The following NOX4 variants were observed in gnomAD, a reference collection of about 807,000 sequenced individuals.
NOX4 encodes kidney oxidase-1.
NOX4 carries 69 observed loss-of-function variants against 87.6 expected under a neutral mutation model. That is an observed-to-expected ratio of 0.79 (90% CI 0.65 to 0.96). The LOEUF is 0.96. NOX4 is among the 40% of genes least tolerant of loss of function. NOX4 has a pLI of 0.00. For missense variants in NOX4, 680 were observed against 681.5 expected (o/e 1.00, Z 0.02); for synonymous variants, 275 against 238.2 (o/e 1.15, Z -1.42).
At chr11:89,486,285 A>T (rs1383027128) in intron 2 of NOX4, among the ~76,000 whole-genome samples, 2 of 148,274 alleles carry the variant, frequency 1.3e-5, no homozygotes, top group African/African-American at 4.9e-5. Context: ...ATAAATAAAT[A>T]AATAAATTTA....
At chr11:89,588,500 A>G in the NOX4 span, among the ~76,000 whole-genome samples, 15 of 152,180 alleles carry the variant, frequency 9.9e-5, no homozygotes, top group Non-Finnish European at 2.9e-5. Flanking sequence ...GAAACCATGC[A>G]ATAATGAATT....
intron 2 of NOX4, among the ~76,000 whole-genome samples, chr11:89,461,931 A>G (rs545645292): frequency 6.6e-6 from 1 of 151,986 alleles, no homozygotes; most frequent in Non-Finnish European, 1.5e-5. Context: ...AGGACTCTAA[A>G]ATGTTTTCTA....
At chr11:89,400,847 A>G (rs1210907163) in intron 9 of NOX4, among the ~76,000 whole-genome samples, 1 of 119,386 alleles carries the variant, frequency 8.4e-6, no homozygotes, top group Admixed American at 8.4e-5. Context: ...TACATATAAT[A>G]TGTATATATA....
At chr11:89,429,294 A>G (rs1943640213) in intron 7 of NOX4, among the ~76,000 whole-genome samples, 1 of 152,192 alleles carries the variant, frequency 6.6e-6, no homozygotes, top group Non-Finnish European at 1.5e-5. Context: ...ATCACAATTA[A>G]AAGAACTAGA....
intron 2 of NOX4, among the ~76,000 whole-genome samples, chr11:89,464,393 G>A: frequency 6.6e-6 from 1 of 152,192 alleles, no homozygotes; most frequent in Non-Finnish European, 1.5e-5. Context: ...GAGTACAAAA[G>A]GTTCTCATTC....
chr11:89,569,788 G>A, the NOX4 span, among the ~76,000 whole-genome samples: 1 of 151,986 alleles, frequency 6.6e-6, no homozygotes, highest in Non-Finnish European at 1.5e-5. Context: ...CGGATCACAA[G>A]GTCAGGAGAT....
chr11:89,573,783 C>A, the NOX4 span, among the ~76,000 whole-genome samples: 1 of 152,208 alleles, frequency 6.6e-6, no homozygotes, highest in African/African-American at 2.4e-5. Context: ...TCGCATTCAG[C>A]TGTCATCCTA....
Position 89,440,102 on chromosome 11 carries a change from T to C in NOX4, c.475+586A>G, listed in dbSNP as rs1424781559. ...GGCCCTCAATAAGAATGCGGTTGCATTGTTTTGATTGGAAGAATATACGAC... is the reference window on the plus strand; with the variant it reads ...GGCCCTCAATAAGAATGCGGTTGCACTGTTTTGATTGGAAGAATATACGAC... On this transcript the variant is annotated intron_variant, in intron 6 of 17. Coordinates refer to ENST00000263317, the MANE Select transcript of NOX4 (RefSeq NM_016931.5). Among the ~76,000 whole-genome samples the C allele has an allele frequency of 2.0e-5, 3 of 152,168 alleles. No homozygotes were observed. In the East Asian group the frequency reaches 5.8e-4, roughly 29 times the overall value.
At chr11:89,553,147 A>C in the NOX4 span, among the ~76,000 whole-genome samples, 1 of 152,060 alleles carries the variant, frequency 6.6e-6, no homozygotes, top group African/African-American at 2.4e-5. Context: ...CAATATAAAA[A>C]CAGGGCTGAT....
chr11:89,555,674 A>C, the NOX4 span, among the ~76,000 whole-genome samples: 2 of 152,098 alleles, frequency 1.3e-5, no homozygotes, highest in Non-Finnish European at 2.9e-5. Context: ...GAGCAATATG[A>C]ACAGAGGCAC....
intron 2 of NOX4, among the ~76,000 whole-genome samples, chr11:89,483,337 C>G (rs1946469248): frequency 6.6e-6 from 1 of 151,818 alleles, no homozygotes; most frequent in African/African-American, 2.4e-5. Flanking sequence ...CACAATGGCT[C>G]AGAATACAAA....
intron 17 of NOX4, among the ~76,000 whole-genome samples, chr11:89,330,482 C>T (rs1430541378): frequency 2.6e-5 from 4 of 151,872 alleles, no homozygotes; most frequent in Non-Finnish European, 5.9e-5. Context: ...TCATAGAACA[C>T]AAATAGCTAG....
chr11:89,392,015 C>A (rs1459848631), intron 11 of NOX4, among the ~76,000 whole-genome samples: 1 of 147,234 alleles, frequency 6.8e-6, no homozygotes, highest in Non-Finnish European at 1.5e-5. Flanking sequence ...CCTCTCCCGA[C>A]CTGGGATAAT....
intron 8 of NOX4, among the ~76,000 whole-genome samples, chr11:89,408,214 A>G (rs1942291381): frequency 6.6e-6 from 1 of 152,104 alleles, no homozygotes; most frequent in Non-Finnish European, 1.5e-5. Flanking sequence ...AGTGCTTATG[A>G]CTTATAATAA....
At chr11:89,431,996 A>G (rs1047881601) in intron 7 of NOX4, among the ~76,000 whole-genome samples, 8 of 152,232 alleles carry the variant, frequency 5.3e-5, no homozygotes, top group African/African-American at 1.9e-4. Context: ...TGTGGCACAT[A>G]TACACCATGG....
chr11:89,350,125 C>A (rs908343818), intron 13 of NOX4, among the ~76,000 whole-genome samples: 3 of 152,124 alleles, frequency 2.0e-5, no homozygotes, highest in African/African-American at 7.2e-5. Context: ...TTTCATGGAG[C>A]AATGTCTACA....
intron 2 of NOX4, among the ~76,000 whole-genome samples, chr11:89,486,879 T>C (rs1946648062): frequency 6.6e-6 from 1 of 151,936 alleles, no homozygotes; most frequent in Non-Finnish European, 1.5e-5. Context: ...AATTCCTGCT[T>C]AGTAGAGGAG....
intron 7 of NOX4, among the ~76,000 whole-genome samples, chr11:89,431,511 A>T (rs991600643): frequency 1.3e-5 from 2 of 152,176 alleles, no homozygotes; most frequent in Non-Finnish European, 2.9e-5. Flanking sequence ...CAAGAAAAAA[A>T]CAAACAACCC....
the NOX4 span, among the ~76,000 whole-genome samples, chr11:89,552,328 G>T: frequency 1.3e-5 from 2 of 152,122 alleles, no homozygotes; most frequent in Non-Finnish European, 2.9e-5. Flanking sequence ...TTTATCTGCT[G>T]TACTATCTTG....
Sources: allele counts gnomAD v4.1 joint callset (sites outside exome capture counted in the v4.1 genomes callset), GRCh38; gene constraint gnomAD v4.1.1; transcripts MANE v1.5; gene names NCBI Gene and HGNC (gene_info 2026-07-23, HGNC 2026-07-21).